Variants in TYW5 observed in about 807,000 individuals in gnomAD.
TYW5 encodes the protein tRNA-yW synthesizing protein 5.
In TYW5, 36 loss-of-function variants were observed where a neutral mutation model predicts 44.4. That is an observed-to-expected ratio of 0.81 (90% CI 0.62 to 1.07). The LOEUF (loss-of-function observed/expected upper bound fraction) is 1.07, where lower values mean the gene tolerates loss of function less well. TYW5 is among the 50% of genes least tolerant of loss of function. The probability of loss-of-function intolerance (pLI) is 0.00; values close to 1 mark genes in which losing one functional copy is unlikely to be tolerated. For synonymous variants in TYW5, 121 were observed against 128.1 expected, an observed-to-expected ratio of 0.94 and a Z score of 0.37; for missense variants, 354 against 365.7, an observed-to-expected ratio of 0.97 and a Z score of 0.26.
In TYW5 at chr2:199,947,856, C is replaced by G. The variant is rs991605651; in HGVS notation, c.233+462G>C. On this transcript the variant is annotated intron_variant, in intron 2 of 7. Transcript: ENST00000354611. ...CCTGTAATCCCAGCACTTTGGGAGG[C>G]TGAGGCAGGTGGATGACTTGAGGCC... is the stretch of plus-strand genomic sequence containing the variant. 2.5e-5 allele frequency: 4 copies of G among 161,300 alleles called. 1 individual carries two copies. The highest frequency in any genetic ancestry group is 5.4e-5 in the Non-Finnish European group (4 of 74,576). The allele number at this position is 161,300 out of a possible 1,614,324, so 10.0% of individuals were successfully genotyped here.
chr2:199,953,395 G>C (rs2077562771), intron 1 of TYW5, among the ~76,000 whole-genome samples: 2 of 152,202 alleles, frequency 1.3e-5, no homozygotes, highest in Non-Finnish European at 2.9e-5. Flanking sequence ...ACTCTAATGA[G>C]GGGATGTTGA....
At chr2:199,935,770 A>ACACACACACG (rs1559300833) in intron 7 of TYW5, among the ~76,000 whole-genome samples, 161 bp downstream of exon 7, 1 of 145,754 alleles carries the variant, frequency 6.9e-6, no homozygotes, top group East Asian at 2.0e-4. Context: ...ACACACATAC[A>ACACACACACG]CACACACGCA....
intron 3 of TYW5, among the ~76,000 whole-genome samples, chr2:199,941,874 G>A (rs543089612): frequency 1.3e-5 from 2 of 152,068 alleles, no homozygotes; most frequent in African/African-American, 2.4e-5. Flanking sequence ...GACTTAAGCT[G>A]GTAAAAGACC....
chr2:199,929,580 T>G lies in TYW5; in HGVS notation c.*3487A>C, dbSNP rs1430239796. Among the ~76,000 whole-genome samples the G allele has an allele frequency of 7.0e-6, 1 of 142,362 alleles. No individual in the cohort carries two copies. 93.4% of individuals were successfully genotyped at this position (142,362 alleles called of 152,430 possible). A position where few individuals can be genotyped will look rare whatever the true frequency, so the allele number is the denominator to read the frequency against. ...TTTTTTTTTTTTTTTTTTTGTCAAC[T>G]CCTTTGATGTCTGTTGGCAACTTTT... On this transcript the variant is annotated 3_prime_UTR_variant, in exon 8 of 8. Transcript: ENST00000354611.
intron 7 of TYW5, among the ~76,000 whole-genome samples, 159 bp downstream of exon 7, chr2:199,935,772 A>G (rs930895420): frequency 2.0e-5 from 3 of 148,366 alleles, no homozygotes; most frequent in Non-Finnish European, 4.5e-5. Context: ...ACACATACAC[A>G]CACACGCACA....
At chr2:199,936,568 T>C in intron 5 of TYW5, 76 bp from the exon 6 acceptor site, 1 of 1,213,678 alleles carries the variant, frequency 8.2e-7, no homozygotes, top group African/African-American at 1.5e-5. Flanking sequence ...TGCTAAACTT[T>C]AACTGCAAAC....
rs570432806 is a variant in TYW5, at chr2:199,931,331, T to A, written c.*1736A>T. The A allele has an allele frequency of 2.6e-5, 4 of 152,318 alleles. No homozygotes were observed. The highest frequency in any genetic ancestry group is 2.0e-4 in the Admixed American group (3 of 15,292). The allele number at this position is 152,318 out of a possible 1,614,324, so 9.4% of individuals were successfully genotyped here. A position where few individuals can be genotyped will look rare whatever the true frequency, so the allele number is the denominator to read the frequency against. Reference sequence around the variant, plus strand: ...ATTAAACAATCAATTAAGATGACTATTCAGTGCACAAACTGTAATCTGTTT... The same window carrying A: ...ATTAAACAATCAATTAAGATGACTAATCAGTGCACAAACTGTAATCTGTTT... On this transcript the variant is annotated 3_prime_UTR_variant, in exon 8 of 8. Transcript: ENST00000354611.
intron 6 of TYW5, 76 bp from the exon 7 acceptor site, chr2:199,936,123 T>G (rs2077418768): frequency 1.1e-5 from 10 of 939,906 alleles, no homozygotes; most frequent in Non-Finnish European, 1.7e-5. Context: ...AAATATAAAT[T>G]TGAAAATTTA....
At chr2:199,954,979 G>T (rs983779480) in intron 1 of TYW5, among the ~76,000 whole-genome samples, 1 of 152,158 alleles carries the variant, frequency 6.6e-6, no homozygotes, top group Admixed American at 6.6e-5. Flanking sequence ...TCCAATGTCG[G>T]AACTAGAACC....
chr2:199,929,349 T>G lies in TYW5; in HGVS notation c.*3718A>C, dbSNP rs922311002. ...CTTAAAAGTATAATAAAAAAATAAA[T>G]AGAGACTACAACTTAGGTATATTTA... On this transcript the variant is annotated 3_prime_UTR_variant, in exon 8 of 8. Coordinates refer to ENST00000354611, the MANE Select transcript of TYW5 (RefSeq NM_001039693.3). 1.3e-5 allele frequency among the ~76,000 whole-genome samples: 2 copies of G among 151,986 alleles called. No homozygotes were observed. Among genetic ancestry groups the G allele is most frequent in the African/African-American group, 4.8e-5 (2 of 41,384 alleles).
At chr2:199,936,638 C>T in intron 5 of TYW5, 146 bp from the exon 6 acceptor site, 2 of 623,626 alleles carry the variant, frequency 3.2e-6, no homozygotes, top group East Asian at 2.7e-5. Context: ...ACAATAAAAA[C>T]ATTTGTATTC....
At chr2:199,933,763 A>G (rs1478852523) in intron 7 of TYW5, among the ~76,000 whole-genome samples, 4 of 152,134 alleles carry the variant, frequency 2.6e-5, no homozygotes, top group African/African-American at 9.7e-5. Context: ...TTTTGTCCCT[A>G]AAGACTTCCT....
At chr2:199,941,613 C>T (rs1040541135) in intron 3 of TYW5, among the ~76,000 whole-genome samples, 1 of 152,226 alleles carries the variant, frequency 6.6e-6, no homozygotes, top group African/African-American at 2.4e-5. Flanking sequence ...CTATAAATTA[C>T]TGGCTAATAA....
At position 199,931,120 on chromosome 2, in the gene TYW5, C is replaced by T. The variant is rs2077374065; in HGVS notation, c.*1947G>A. 1 of 152,094 alleles carries T rather than the reference C, an allele frequency of 6.6e-6. No homozygotes were observed. The highest frequency in any genetic ancestry group is 2.1e-4 in the South Asian group (1 of 4,830). The allele number at this position is 152,094 out of a possible 1,614,324, so 9.4% of individuals were successfully genotyped here. A position where few individuals can be genotyped will look rare whatever the true frequency, so the allele number is the denominator to read the frequency against. On this transcript the variant is annotated 3_prime_UTR_variant, in exon 8 of 8. Transcript: ENST00000354611. ...TTTAAAATATTATAAATTAATACTG[C>T]AACAGGAGCTACCTCAAATCTCTCA...
intron 1 of TYW5, among the ~76,000 whole-genome samples, chr2:199,951,456 C>T (rs2077544183): frequency 6.6e-6 from 1 of 152,068 alleles, no homozygotes; most frequent in African/African-American, 2.4e-5. Flanking sequence ...AATTTTTCAT[C>T]CTTGTTGATT....
intron 2 of TYW5, chr2:199,947,232 A>G (rs1157859349): frequency 6.6e-6 from 1 of 152,240 alleles, no homozygotes; most frequent in Non-Finnish European, 1.5e-5. Flanking sequence ...AGCTCTATTT[A>G]ACTCATCTCT....
intron 7 of TYW5, among the ~76,000 whole-genome samples, chr2:199,933,944 T>C (rs910351773): frequency 6.6e-6 from 1 of 152,162 alleles, no homozygotes; most frequent in Non-Finnish European, 1.5e-5. Flanking sequence ...GAGTAAACTT[T>C]ATTATATACC....
At chr2:199,952,356 G>C (rs2077552476) in intron 1 of TYW5, among the ~76,000 whole-genome samples, 1 of 152,172 alleles carries the variant, frequency 6.6e-6, no homozygotes, top group Non-Finnish European at 1.5e-5. Flanking sequence ...CACCAAGAGA[G>C]TATTACCAGA....
intron 1 of TYW5, among the ~76,000 whole-genome samples, chr2:199,949,826 C>T (rs1309051589): frequency 6.6e-6 from 1 of 152,092 alleles, no homozygotes; most frequent in African/African-American, 2.4e-5. Context: ...ATCCTAATAT[C>T]GAAATGAGCT....
Sources: gnomAD v4.1 joint callset for allele counts (sites outside exome capture counted in the v4.1 genomes callset) on GRCh38, gnomAD v4.1.1 for gene constraint, MANE v1.5 for transcripts, NCBI Gene and HGNC (gene_info 2026-07-23, HGNC 2026-07-21) for gene names.